The following SUGCT variants were observed in gnomAD, a reference collection of about 807,000 sequenced individuals.
SUGCT encodes the protein succinyl-CoA:glutarate CoA-transferase.
In SUGCT, 41 loss-of-function variants were observed where a neutral mutation model predicts 55.0. The ratio of observed to expected loss-of-function variants is 0.74; its 90% CI spans 0.58 to 0.97. The LOEUF (loss-of-function observed/expected upper bound fraction) is 0.97. Among genes scored for constraint, SUGCT ranks in the 50% least tolerant of loss-of-function variants. The pLI, the probability that SUGCT is intolerant of heterozygous loss-of-function variation, is 0.00. For synonymous variants in SUGCT, 187 were observed against 200.4 expected (o/e 0.93, Z 0.56); for missense variants, 568 against 547.8 (o/e 1.04, Z -0.37).
intron 11 of SUGCT, among the ~76,000 whole-genome samples, chr7:40,491,968 C>T (rs1031173881): frequency 2.0e-5 from 3 of 149,352 alleles, no homozygotes; most frequent in African/African-American, 7.6e-5. Flanking sequence ...CCAGCCTGGG[C>T]GATAGAGCAA....
Position 40,763,846 on chromosome 7 carries a change from C to T in SUGCT, c.1153+14349C>T, listed in dbSNP as rs74792505. ...TTTCACATAAACAGAAACGATTCCT[C>T]CTTTCTGAGCACTTCATTGTTGGTG... is the stretch of plus-strand genomic sequence containing the variant. On this transcript the variant is annotated intron_variant, in intron 13 of 13. Coordinates refer to ENST00000335693, the MANE Select transcript of SUGCT (RefSeq NM_001193313.2). 1.5e-3 allele frequency among the ~76,000 whole-genome samples: 226 copies of T among 152,244 alleles called. 1 individual carries two copies. Among genetic ancestry groups the T allele is most frequent in the African/African-American group, 5.1e-3 (214 of 41,562 alleles).
chr7:40,318,434 C>CTTTA (rs568121220), intron 9 of SUGCT, among the ~76,000 whole-genome samples: 94 of 152,148 alleles, frequency 6.2e-4, no homozygotes, highest in Non-Finnish European at 1.0e-3. Context: ...GGCTTTCAGT[C>CTTTA]TTTATTTATT....
chr7:40,568,364 G>T (rs1265317121), intron 12 of SUGCT, among the ~76,000 whole-genome samples: 1 of 151,832 alleles, frequency 6.6e-6, no homozygotes, highest in Non-Finnish European at 1.5e-5. Context: ...TCAAGAACAG[G>T]GTCAAAAACA....
chr7:40,158,146 G>A (rs1354510573), intron 1 of SUGCT, among the ~76,000 whole-genome samples: 2 of 151,942 alleles, frequency 1.3e-5, no homozygotes, highest in South Asian at 2.1e-4. Flanking sequence ...AGGTTGCAGT[G>A]AGCCGAGAGC....
At chr7:40,661,057 G>A (rs528163932) in intron 12 of SUGCT, among the ~76,000 whole-genome samples, 7 of 152,244 alleles carry the variant, frequency 4.6e-5, no homozygotes, top group African/African-American at 1.2e-4. Context: ...CACTGGACTC[G>A]TTACAAATTT....
At chr7:40,518,260 A>G (rs1324005896) in intron 12 of SUGCT, among the ~76,000 whole-genome samples, 1 of 152,176 alleles carries the variant, frequency 6.6e-6, no homozygotes, top group African/African-American at 2.4e-5. Context: ...GAAACCAGTT[A>G]TTTTGACCAG....
At chr7:40,890,494 G>A in the SUGCT span, among the ~76,000 whole-genome samples, 1 of 151,744 alleles carries the variant, frequency 6.6e-6, no homozygotes, top group East Asian at 1.9e-4. Context: ...CCCCATCTGA[G>A]GACTCAGTCA....
intron 8 of SUGCT, among the ~76,000 whole-genome samples, chr7:40,278,686 C>T (rs375907892): frequency 7.2e-5 from 11 of 152,190 alleles, no homozygotes; most frequent in African/African-American, 2.4e-4. Context: ...TCTCTTTTCT[C>T]CTTTTTTTCT....
At chr7:40,973,651 A>G in the SUGCT span, among the ~76,000 whole-genome samples, 1 of 152,230 alleles carries the variant, frequency 6.6e-6, no homozygotes, top group Non-Finnish European at 1.5e-5. Context: ...GGCTAGAGCC[A>G]GTGGGTTTGG....
intron 9 of SUGCT, among the ~76,000 whole-genome samples, chr7:40,342,672 T>C (rs1797114743): frequency 6.6e-6 from 1 of 152,130 alleles, no homozygotes; most frequent in South Asian, 2.1e-4. Context: ...AGGCAGAGTC[T>C]TGCTCTGTTG....
intron 7 of SUGCT, among the ~76,000 whole-genome samples, chr7:40,253,206 A>C (rs1790562139): frequency 6.6e-6 from 1 of 152,202 alleles, no homozygotes; most frequent in South Asian, 2.1e-4. Flanking sequence ...GTTGTTGTGA[A>C]GATGGTACCT....
chr7:40,372,016 TA>T (rs1020151935), intron 9 of SUGCT, among the ~76,000 whole-genome samples: 6 of 152,028 alleles, frequency 3.9e-5, no homozygotes, highest in Admixed American at 3.3e-4. Flanking sequence ...GTGTGTTTTT[TA>T]AACAAAATCA....
chr7:40,172,324 G>A (rs188527845), intron 1 of SUGCT, among the ~76,000 whole-genome samples: 2 of 152,260 alleles, frequency 1.3e-5, no homozygotes, highest in Non-Finnish European at 2.9e-5. Flanking sequence ...TCCTGGCAAG[G>A]GTGGTGGGAA....
intron 12 of SUGCT, among the ~76,000 whole-genome samples, chr7:40,557,387 G>A (rs1299399933): frequency 6.6e-6 from 1 of 152,182 alleles, no homozygotes; most frequent in Non-Finnish European, 1.5e-5. Flanking sequence ...ATTTGGCAAT[G>A]ATTTCTTGGA....
At chr7:40,577,497 TCTGTATTTTGA>T (rs1562874561) in intron 12 of SUGCT, among the ~76,000 whole-genome samples, 1 of 152,148 alleles carries the variant, frequency 6.6e-6, no homozygotes, top group Non-Finnish European at 1.5e-5. Flanking sequence ...TTGTAGAGAC[TCTGTATTTTGA>T]TATACTCCCC....
intron 7 of SUGCT, among the ~76,000 whole-genome samples, chr7:40,245,420 TATA>T (rs200512206): frequency 0.35 from 10,417 of 29,690 alleles, 1,550 homozygotes; most frequent in Admixed American, 0.44. Context: ...TATATATATA[TATA>T]TTTTTTTTTT....
chr7:40,938,383 AT>A, the SUGCT span, among the ~76,000 whole-genome samples: 2 of 150,612 alleles, frequency 1.3e-5, no homozygotes, highest in African/African-American at 4.9e-5. Flanking sequence ...TTGTTTTATT[AT>A]TTTTTTGAGT....
At chr7:41,032,446 G>T in the SUGCT span, among the ~76,000 whole-genome samples, 1 of 151,986 alleles carries the variant, frequency 6.6e-6, no homozygotes, top group Non-Finnish European at 1.5e-5. Flanking sequence ...TGATACGAAG[G>T]TATCCTTTCC....
chr7:40,774,532 T>A (rs1789351104), intron 13 of SUGCT, among the ~76,000 whole-genome samples: 1 of 152,168 alleles, frequency 6.6e-6, no homozygotes, highest in South Asian at 2.1e-4. Flanking sequence ...TGTGTTAATT[T>A]TTGCTACATT....
Sources: gnomAD v4.1 joint callset for allele counts (sites outside exome capture counted in the v4.1 genomes callset) on GRCh38, gnomAD v4.1.1 for gene constraint, MANE v1.5 for transcripts, NCBI Gene and HGNC (gene_info 2026-07-23, HGNC 2026-07-21) for gene names.